Variants in SERINC5 observed in about 807,000 individuals in gnomAD.
SERINC5 encodes chromosome 5 open reading frame 12.
A neutral mutation model predicts 63.1 loss-of-function variants in SERINC5; 41 were observed. That is an observed-to-expected ratio of 0.65 (90% confidence interval 0.51 to 0.84). SERINC5 has a LOEUF of 0.84. Among genes scored for constraint, SERINC5 ranks in the 40% least tolerant of loss-of-function variants. The pLI is 0.00. For missense variants in SERINC5, 523 were observed against 573.0 expected (o/e 0.91, Z 0.89); for synonymous variants, 222 against 215.2 (o/e 1.03, Z -0.28).
chr5:80,144,318 G>A (rs575458353), intron 11 of SERINC5, among the ~76,000 whole-genome samples: 5 of 152,230 alleles, frequency 3.3e-5, no homozygotes, highest in East Asian at 3.9e-4. Flanking sequence ...TATGAACACC[G>A]CTGTGTAAGT....
At chr5:80,147,158 T>G in intron 10 of SERINC5, 87 bp downstream of exon 10, 1 of 1,237,208 alleles carries the variant, frequency 8.1e-7, no homozygotes, top group East Asian at 2.5e-5. Flanking sequence ...ATTCAAGTTA[T>G]TTGTGTCTGA....
intron 1 of SERINC5, among the ~76,000 whole-genome samples, chr5:80,250,549 C>T (rs867947689): frequency 6.6e-6 from 1 of 152,192 alleles, no homozygotes; most frequent in Non-Finnish European, 1.5e-5. Flanking sequence ...GCCATGTTGG[C>T]CAGGCTGGTC....
rs879487631 is a variant in SERINC5 at position 80,183,286 on chromosome 5, GGGGTGGAGGGA to G, written c.196-5233_196-5223del. Reference sequence around the variant, plus strand: ...TTCTTTTTTTATGGCATTGCCGTTTGGGGTGGAGGGAGGGTGGAGGGCAGAGGACAGACAGC... The same window carrying G: ...TTCTTTTTTTATGGCATTGCCGTTTGGGGTGGAGGGCAGAGGACAGACAGC... On this transcript the variant is annotated intron_variant, in intron 2 of 11. Coordinates refer to ENST00000507668, the MANE Select transcript of SERINC5 (RefSeq NM_001174072.3). Among the ~76,000 whole-genome samples, 3 of 152,256 alleles carry G rather than the reference GGGGTGGAGGGA, an allele frequency of 2.0e-5. No homozygotes were observed. The East Asian group carries it at 5.8e-4, about 29-fold the overall frequency.
intron 11 of SERINC5, among the ~76,000 whole-genome samples, chr5:80,123,863 T>C (rs1744639069): frequency 6.6e-6 from 1 of 152,198 alleles, no homozygotes; most frequent in African/African-American, 2.4e-5. Context: ...CTTCCTGGCC[T>C]GGCACATATA....
chr5:80,245,550 G>C (rs1752131926), intron 1 of SERINC5, among the ~76,000 whole-genome samples: 1 of 152,154 alleles, frequency 6.6e-6, no homozygotes, highest in Non-Finnish European at 1.5e-5. Context: ...CCAAGCACAA[G>C]CAGGGCTAGC....
chr5:80,158,629 C>T (rs1331692793), intron 8 of SERINC5: 2 of 534,054 alleles, frequency 3.7e-6, no homozygotes, highest in African/African-American at 3.8e-5. Context: ...TATTTACATA[C>T]CATATATTTG....
chr5:80,203,582 C>T (rs1297014396), intron 1 of SERINC5, among the ~76,000 whole-genome samples: 2 of 151,894 alleles, frequency 1.3e-5, no homozygotes, highest in Non-Finnish European at 2.9e-5. Context: ...GAGGCTATCT[C>T]CATGAAAAAC....
chr5:80,252,419 A>C (rs1231375325), intron 1 of SERINC5, among the ~76,000 whole-genome samples: 2 of 152,056 alleles, frequency 1.3e-5, no homozygotes, highest in East Asian at 1.9e-4. Context: ...ATAGCCCTTA[A>C]GTTAAAGGAG....
intron 12 of SERINC5, among the ~76,000 whole-genome samples, chr5:80,112,259 A>C (rs1194776970): frequency 1.3e-5 from 2 of 152,204 alleles, no homozygotes; most frequent in African/African-American, 4.8e-5. Flanking sequence ...TGCTGGCGGC[A>C]ATTATTCTTT....
chr5:80,207,142 G>A (rs529689323), intron 1 of SERINC5, among the ~76,000 whole-genome samples: 1 of 152,112 alleles, frequency 6.6e-6, no homozygotes, highest in African/African-American at 2.4e-5. Context: ...GGGACTACAG[G>A]CGCCCGCCAC....
chr5:80,153,181 G>A (rs116181991), intron 8 of SERINC5, among the ~76,000 whole-genome samples: 1 of 152,050 alleles, frequency 6.6e-6, no homozygotes. Context: ...TCAGTTGCCG[G>A]GCGTGGTGGC....
intron 2 of SERINC5, among the ~76,000 whole-genome samples, chr5:80,182,893 G>A (rs1748545983): frequency 1.3e-5 from 2 of 152,128 alleles, no homozygotes; most frequent in African/African-American, 4.8e-5. Context: ...TTGGTCTTAT[G>A]TCAATTTAAT....
At chr5:80,192,321 G>GCTGTCCCAACCCTC (rs1561412527) in intron 2 of SERINC5, among the ~76,000 whole-genome samples, 1 of 152,142 alleles carries the variant, frequency 6.6e-6, no homozygotes, top group Non-Finnish European at 1.5e-5. Context: ...CTGCGGTCCA[G>GCTGTCCCAACCCTC]CTGTCCCAAC....
At chr5:80,118,297 A>C (rs1398967040) in intron 11 of SERINC5, among the ~76,000 whole-genome samples, 1 of 152,202 alleles carries the variant, frequency 6.6e-6, no homozygotes, top group Non-Finnish European at 1.5e-5. Flanking sequence ...TAACATTTAC[A>C]GTTCTGGAAA....
At chr5:80,212,670 G>GGA (rs140015701) in intron 1 of SERINC5, among the ~76,000 whole-genome samples, 3,307 of 140,964 alleles carry the variant, frequency 0.023, 157 homozygotes, top group African/African-American at 0.081. Flanking sequence ...TGGGGTGGGG[G>GGA]GGGGGTGTTG....
chr5:80,146,003 C>A, intron 11 of SERINC5, 87 bp downstream of exon 11: 2 of 1,410,830 alleles, frequency 1.4e-6, no homozygotes, highest in South Asian at 2.5e-5. Context: ...GAGTGAGACT[C>A]CTTCTCAAAC....
chr5:80,179,106 C>G (rs1387725212), intron 2 of SERINC5, among the ~76,000 whole-genome samples: 1 of 151,988 alleles, frequency 6.6e-6, no homozygotes, highest in African/African-American at 2.4e-5. Flanking sequence ...TTGAGACCAG[C>G]CTGGCCAACA....
In SERINC5 at chr5:80,142,781, T is replaced by C. The variant is rs980980707; in HGVS notation, c.*882A>G. On this transcript the variant is annotated 3_prime_UTR_variant, in exon 12 of 12. Coordinates refer to ENST00000507668, the MANE Select transcript of SERINC5 (RefSeq NM_001174072.3). ...ACACGAAGCAGCTTTTCAGTTAAGG[T>C]CCTAAAAGTATTATCATTATCAACA... The C allele has an allele frequency of 9.6e-5, 95 of 985,296 alleles. No individual in the cohort carries two copies. Among genetic ancestry groups the C allele is most frequent in the Non-Finnish European group, 1.1e-4 (95 of 829,942 alleles). 61.0% of individuals were successfully genotyped at this position (985,296 alleles called of 1,614,324 possible).
downstream of SERINC5, among the ~76,000 whole-genome samples, chr5:80,136,388 C>T (rs1157042715): frequency 6.6e-6 from 1 of 152,198 alleles, no homozygotes; most frequent in East Asian, 1.9e-4. Flanking sequence ...AGGAAGAAGA[C>T]AAGCTCGGGG....
Sources: allele counts gnomAD v4.1 joint callset (sites outside exome capture counted in the v4.1 genomes callset), GRCh38; gene constraint gnomAD v4.1.1; transcripts MANE v1.5; gene names NCBI Gene and HGNC (gene_info 2026-07-23, HGNC 2026-07-21).